Variants in MUC5B observed in about 807,000 individuals in gnomAD.
MUC5B encodes mucin-5B.
MUC5B carries 116 observed loss-of-function variants against 376.9 expected under a neutral mutation model. That is an observed-to-expected ratio of 0.31 (90% CI 0.26 to 0.36). The LOEUF is 0.36. Ranked by LOEUF, MUC5B falls within the 10% of genes least tolerant of loss-of-function variation. MUC5B has a pLI of 1.00. For synonymous variants in MUC5B, 3,517 were observed against 3,390.9 expected, an observed-to-expected ratio of 1.04 and a Z score of -1.29; for missense variants, 7,165 against 7,769.9, an observed-to-expected ratio of 0.92 and a Z score of 2.93.
In MUC5B at chr11:1,246,300, A is replaced by G. The variant is rs1336701707; in HGVS notation, c.9420A>G (p.Thr3140=). The change falls in exon 31 of 49, where the codon ACA becomes ACG. Residue 3140 remains threonine, a synonymous_variant. Coordinates refer to ENST00000529681, the MANE Select transcript of MUC5B (RefSeq NM_002458.3). ...GTTWILTELT[T]AATTTAATGP... is the part of the protein sequence containing the mutation. ...CCTGGATCCTCACAGAGCTGACCAC[A>G]GCAGCCACTACAACTGCAGCCACTG... is the stretch of plus-strand genomic sequence containing the variant. 1.3e-6 allele frequency: 2 copies of G among 1,598,996 alleles called. No homozygotes were observed. The highest frequency in any genetic ancestry group is 2.2e-5 in the South Asian group (2 of 90,040).
chr11:1,239,517 C>T lies in MUC5B; in HGVS notation c.3534C>T (p.Thr1178=). Residue 1178 remains threonine, a synonymous_variant, in exon 27 of 49, where the codon ACC becomes ACT. Coordinates refer to ENST00000529681, the MANE Select transcript of MUC5B (RefSeq NM_002458.3). ...CCTGCGGGGCACCCTGCCTAAAAAC[C>T]TGCCGGAACCCCAGTGGGCACTGCC... ...YQPCGAPCLK[T]CRNPSGHCLV... 1 of 1,603,402 alleles carries T rather than the reference C, an allele frequency of 6.2e-7. No individual in the cohort carries two copies. The highest frequency in any genetic ancestry group is 8.5e-7 in the Non-Finnish European group (1 of 1,172,608).
In MUC5B at chr11:1,251,801, G is replaced by T. The variant is rs1862708520; in HGVS notation, c.14863+58G>T. ...TTCCCCACATGCTATGCCAACCTGGGTCTGCCTGTCCTGGGAGCCAGTGGC... is the reference window on the plus strand; with the variant it reads ...TTCCCCACATGCTATGCCAACCTGGTTCTGCCTGTCCTGGGAGCCAGTGGC... On this transcript the variant is annotated intron_variant, in intron 31 of 48. Transcript: ENST00000529681. 3 of 1,261,422 alleles carry T rather than the reference G, an allele frequency of 2.4e-6. No homozygotes were observed. In the East Asian group the frequency reaches 7.1e-5, roughly 30 times the overall value. The allele number at this position is 1,261,422 out of a possible 1,614,324, so 78.1% of individuals were successfully genotyped here.
Position 1,243,120 on chromosome 11 carries a change from C to T in MUC5B, c.6240C>T (p.Thr2080=). 1.2e-6 allele frequency: 2 copies of T among 1,610,624 alleles called. No individual in the cohort carries two copies. The highest frequency in any genetic ancestry group is 1.7e-6 in the Non-Finnish European group (2 of 1,178,474). ...ALTPPVWIST[T]TTPTTRGSTV... ...CGCCTCCAGTGTGGATCAGCACAACCACCACACCCACAACCAGAGGCTCCA... is the reference window on the plus strand; with the variant it reads ...CGCCTCCAGTGTGGATCAGCACAACTACCACACCCACAACCAGAGGCTCCA... The change falls in exon 31 of 49, where the codon ACC becomes ACT. Residue 2080 remains threonine (T), a synonymous_variant. Transcript: ENST00000529681.
At chr11:1,261,199 AGGGACCCTG>A (rs1403007717) in intron 48 of MUC5B, among the ~76,000 whole-genome samples, 181 bp from the exon 49 acceptor site, 1 of 152,206 alleles carries the variant, frequency 6.6e-6, no homozygotes, top group African/African-American at 2.4e-5. Flanking sequence ...CCGGGAGCCA[AGGGACCCTG>A]GGGGCCCAGA....
Position 1,249,496 on chromosome 11 carries a change from C to G in MUC5B, c.12616C>G (p.Gln4206Glu), listed in dbSNP as rs1327457782. 9.9e-6 allele frequency: 16 copies of G among 1,611,434 alleles called. No individual in the cohort carries two copies. Among genetic ancestry groups the G allele is most frequent in the African/African-American group, 1.3e-5 (1 of 74,754 alleles). Reference sequence around the variant, plus strand: ...TGGCCTGGTCTGCAGGAACCGTGAGCAGGTGGGGAAGTTCAAGATGTGCTT... The same window carrying G: ...TGGCCTGGTCTGCAGGAACCGTGAGGAGGTGGGGAAGTTCAAGATGTGCTT... ...DFGLVCRNRE[Q>E]VGKFKMCFNY... is the part of the protein sequence containing the mutation. The change falls in exon 31 of 49, where the codon CAG (glutamine) becomes GAG (glutamate). Residue 4206 changes from glutamine to glutamate, a missense_variant. By Grantham distance (29) the Gln-to-Glu change is conservative. Coordinates refer to ENST00000529681, the MANE Select transcript of MUC5B (RefSeq NM_002458.3).
In MUC5B at chr11:1,245,444, C is replaced by T. The variant is rs760544052; in HGVS notation, c.8564C>T (p.Pro2855Leu). 1.3e-6 allele frequency: 2 copies of T among 1,529,306 alleles called. No individual in the cohort carries two copies. Among genetic ancestry groups the T allele is most frequent in the Non-Finnish European group, 1.8e-6 (2 of 1,130,466 alleles). 94.7% of individuals were successfully genotyped at this position (1,529,306 alleles called of 1,614,324 possible). Residue 2855 changes from proline (P) to leucine (L), a missense_variant, in exon 31 of 49, where the codon CCC (proline) becomes CTC (leucine). Pro to Leu is a moderately conservative substitution (Grantham distance 98). Transcript: ENST00000529681. ...AAGACCCGCACCTCGACCCTGCTGC[C>T]CAGCAGCCCCACATCGGCCCCAATA... ...PSKTRTSTLL[P>L]SSPTSAPITT...
chr11:1,239,768 G>A, intron 27 of MUC5B, 31 bp from the exon 28 acceptor site: 2 of 1,593,964 alleles, frequency 1.3e-6, no homozygotes, highest in South Asian at 1.1e-5. Context: ...AAGGGCCCTG[G>A]TGAGTCTTCT....
rs1391641664 is a variant in MUC5B, at chr11:1,226,193, C to G, written c.128-12C>G. On this transcript the variant is annotated splice_polypyrimidine_tract_variant and intron_variant, in intron 2 of 48. Transcript: ENST00000529681. ...TGGCCACGTTCCTGGGGTGACCAGCCTTCACCCACAGGTGCCCCGACGTCC... is the reference window on the plus strand; with the variant it reads ...TGGCCACGTTCCTGGGGTGACCAGCGTTCACCCACAGGTGCCCCGACGTCC... 1 of 1,547,760 alleles carries G rather than the reference C, an allele frequency of 6.5e-7. No homozygotes were observed. The highest frequency in any genetic ancestry group is 2.0e-5 in the Admixed American group (1 of 51,218).
rs1221388594 is a variant in MUC5B, at chr11:1,258,652, C to G, written c.16593+285C>G. Among the ~76,000 whole-genome samples, 1 of 152,088 alleles carries G rather than the reference C, an allele frequency of 6.6e-6. No individual in the cohort carries two copies. The highest frequency in any genetic ancestry group is 1.5e-5 in the Non-Finnish European group (1 of 67,980). On this transcript the variant is annotated intron_variant, in intron 43 of 48. Transcript: ENST00000529681. The surrounding 1 kb of genome is among the most constrained non-coding windows in gnomAD (Gnocchi z 5.5). ...GGCCTGGGGTCCCCGCCTGCCCGCCCAGATTCCTACCCGCCCGGATTCCTG... is the reference window on the plus strand; with the variant it reads ...GGCCTGGGGTCCCCGCCTGCCCGCCGAGATTCCTACCCGCCCGGATTCCTG...
At chr11:1,238,325 G>A (rs745655690) in intron 25 of MUC5B, among the ~76,000 whole-genome samples, 1 of 152,256 alleles carries the variant, frequency 6.6e-6, no homozygotes, top group African/African-American at 2.4e-5. Context: ...CCCTCACAGA[G>A]CTTCCAGAGG....
intron 12 of MUC5B, 61 bp from the exon 13 acceptor site, chr11:1,230,875 A>C (rs1451780147): frequency 6.5e-7 from 1 of 1,541,932 alleles, no homozygotes; most frequent in African/African-American, 1.4e-5. Flanking sequence ...CCACCCCCTC[A>C]TTTGAGAGTC....
chr11:1,240,389 G>A lies in MUC5B; in HGVS notation c.3970+14G>A, dbSNP rs1380171046. On this transcript the variant is annotated intron_variant, in intron 30 of 48. Coordinates refer to ENST00000529681, the MANE Select transcript of MUC5B (RefSeq NM_002458.3). ...ACTCCACGACAAGTAAGCCCTGCCT[G>A]GCTCTCCTGAGGCCCAGTACCGTCT... 2 of 1,581,492 alleles carry A rather than the reference G, an allele frequency of 1.3e-6. No individual in the cohort carries two copies. Among genetic ancestry groups the A allele is most frequent in the African/African-American group, 2.7e-5 (2 of 74,444 alleles).
At chr11:1,238,551 A>G (rs1358452750) in intron 25 of MUC5B, among the ~76,000 whole-genome samples, 2 of 152,168 alleles carry the variant, frequency 1.3e-5, no homozygotes, top group African/African-American at 4.8e-5. Context: ...CACGTGATAG[A>G]AAGATCCAAA....
intron 3 of MUC5B, 51 bp from the exon 4 acceptor site, chr11:1,226,564 A>AC: frequency 6.4e-7 from 1 of 1,566,374 alleles, no homozygotes; most frequent in South Asian, 1.2e-5. Flanking sequence ...AGGGGAGGCT[A>AC]CCCCGTGGGG....
chr11:1,254,666 A>G (rs56263934), intron 34 of MUC5B, 28 bp from the exon 35 acceptor site: 47,316 of 1,599,122 alleles, frequency 0.03, 888 homozygotes, highest in Non-Finnish European at 0.033. Flanking sequence ...ACTGCCTCCC[A>G]GCTCAGGGTT....
intron 25 of MUC5B, 140 bp from the exon 26 acceptor site, chr11:1,238,731 A>T (rs1012159821): frequency 2.1e-6 from 2 of 930,898 alleles, no homozygotes; most frequent in Non-Finnish European, 3.3e-6. Context: ...GCTCTGAGGT[A>T]TTCCAGGCCC....
At chr11:1,259,726 T>C in intron 44 of MUC5B, 30 bp from the exon 45 acceptor site, 1 of 1,606,348 alleles carries the variant, frequency 6.2e-7, no homozygotes, top group South Asian at 1.1e-5. Flanking sequence ...AGGAGAGGGT[T>C]AGGGCCTGAC....
In MUC5B at chr11:1,259,946, T is replaced by G; in HGVS notation, c.16801-17T>G. 1.9e-6 allele frequency: 3 copies of G among 1,612,908 alleles called. No individual in the cohort carries two copies. The highest frequency in any genetic ancestry group is 2.5e-6 in the Non-Finnish European group (3 of 1,179,706). ...GGTAATCCCTACTCAGCTTCCACAC[T>G]CACCCTTGCATTTCAGCTGAATGAA... is the stretch of plus-strand genomic sequence containing the variant. On this transcript the variant is annotated splice_polypyrimidine_tract_variant and intron_variant, in intron 45 of 48. Coordinates refer to ENST00000529681, the MANE Select transcript of MUC5B (RefSeq NM_002458.3).
At chr11:1,227,864 C>T (rs1402511841) in intron 7 of MUC5B, 83 bp downstream of exon 7, 2 of 642,952 alleles carry the variant, frequency 3.1e-6, no homozygotes, top group Admixed American at 2.3e-5. Flanking sequence ...GAGGAATGTT[C>T]CCAGCTGGTG....
Sources: gnomAD v4.1 joint callset for allele counts (sites outside exome capture counted in the v4.1 genomes callset) on GRCh38, gnomAD v4.1.1 for gene constraint, Gnocchi (gnomAD v3.1) non-coding constraint, MANE v1.5 for transcripts, NCBI Gene and HGNC (gene_info 2026-07-23, HGNC 2026-07-21) for gene names.